The following SGSM2 variants were observed in gnomAD, a reference collection of about 807,000 sequenced individuals.
SGSM2 encodes the protein small G protein signaling modulator 2.
SGSM2 carries 89 observed loss-of-function variants against 126.6 expected under a neutral mutation model. The ratio of observed to expected loss-of-function variants is 0.70; its 90% CI spans 0.59 to 0.84. The LOEUF (loss-of-function observed/expected upper bound fraction) is 0.84, where lower values mean the gene tolerates loss of function less well. Among genes scored for constraint, SGSM2 ranks in the 40% least tolerant of loss-of-function variants. The probability of loss-of-function intolerance (pLI) is 0.00; values close to 1 mark genes in which losing one functional copy is unlikely to be tolerated. For missense variants in SGSM2, 1,404 were observed against 1,416.6 expected, an observed-to-expected ratio of 0.99 and a Z score of 0.14; for synonymous variants, 614 against 574.3, an observed-to-expected ratio of 1.07 and a Z score of -0.99.
chr17:2,339,678 A>G (rs896093860), intron 1 of SGSM2, among the ~76,000 whole-genome samples: 4 of 150,192 alleles, frequency 2.7e-5, no homozygotes, highest in South Asian at 2.1e-4. Context: ...ACTGCACTCC[A>G]GCCTGGGCGA....
At chr17:2,339,783 C>G (rs2064267764) in intron 1 of SGSM2, among the ~76,000 whole-genome samples, 1 of 152,084 alleles carries the variant, frequency 6.6e-6, no homozygotes, top group Non-Finnish European at 1.5e-5. Context: ...CTACTAGGCC[C>G]TAATGTTTGT....
rs369584168 is a variant in SGSM2 at position 2,372,338 on chromosome 17, C to T, written c.1643-5C>T. Reference sequence around the variant, plus strand: ...CCTCCTGCTGCCCACCGCTGCCCACCGCAGGGCTGGCACACTGCCGCCACC... The same window carrying T: ...CCTCCTGCTGCCCACCGCTGCCCACTGCAGGGCTGGCACACTGCCGCCACC... On this transcript the variant is annotated splice_region_variant and splice_polypyrimidine_tract_variant and intron_variant, in intron 14 of 23. Transcript: ENST00000268989. The surrounding 1 kb of genome is among the most constrained non-coding windows in gnomAD (Gnocchi z 6.0). The T allele has an allele frequency of 8.3e-5, 133 of 1,600,032 alleles. 2 individuals are homozygous for T. The Middle Eastern group carries it at 8.6e-4, about 10-fold the overall frequency.
At chr17:2,371,477 C>T (rs1247762140) in intron 13 of SGSM2, 62 bp downstream of exon 13, 1 of 1,522,870 alleles carries the variant, frequency 6.6e-7, no homozygotes, top group East Asian at 2.3e-5. Context: ...GTGTGTCCGT[C>T]TGTCCTTAAA....
chr17:2,373,761 A>G (rs1163729261), intron 17 of SGSM2: 1 of 497,142 alleles, frequency 2.0e-6, no homozygotes, highest in African/African-American at 1.9e-5. Context: ...ATAGGGAAAG[A>G]TGGACTTACT....
At chr17:2,378,781 G>C (rs539996816) in intron 22 of SGSM2, among the ~76,000 whole-genome samples, 1 of 152,198 alleles carries the variant, frequency 6.6e-6, no homozygotes, top group Non-Finnish European at 1.5e-5. Flanking sequence ...CCTTGGTACG[G>C]GGTACAGAAC....
In SGSM2 at chr17:2,362,043, C is replaced by A; in HGVS notation, c.297-66C>A. On this transcript the variant is annotated intron_variant, in intron 3 of 23. Coordinates refer to ENST00000268989, the MANE Select transcript of SGSM2 (RefSeq NM_014853.3). The surrounding 1 kb of genome is among the most constrained non-coding windows in gnomAD (Gnocchi z 4.9). The stretch of plus-strand genomic sequence containing the variant: ...ATCTTGGGGTACCAAGCCCCACTCC[C>A]AATGCCAGCATTCTGGGGTTTACCC... 6.5e-7 allele frequency: 1 copy of A among 1,541,896 alleles called. No individual in the cohort carries two copies. Among genetic ancestry groups the A allele is most frequent in the Middle Eastern group, 1.9e-4 (1 of 5,204 alleles).
In SGSM2 at chr17:2,372,274, G is replaced by A. The variant is rs2065906675; in HGVS notation, c.1642+20G>A. On this transcript the variant is annotated intron_variant, in intron 14 of 23. Coordinates refer to ENST00000268989, the MANE Select transcript of SGSM2 (RefSeq NM_014853.3). This position sits in a 1 kb window ranked among gnomAD's most constrained non-coding sequence, Gnocchi z 6.0. Reference sequence around the variant, plus strand: ...ACGGCTGTGAGTGTGGGGCGCGCCGGGCTGTGGCGGGCTGGGGGCGGGCGG... The same window carrying A: ...ACGGCTGTGAGTGTGGGGCGCGCCGAGCTGTGGCGGGCTGGGGGCGGGCGG... 6.2e-7 allele frequency: 1 copy of A among 1,612,096 alleles called. No individual in the cohort carries two copies. The highest frequency in any genetic ancestry group is 1.1e-5 in the South Asian group (1 of 91,078).
At chr17:2,357,840 C>G (rs1352563497) in intron 2 of SGSM2, among the ~76,000 whole-genome samples, 1 of 152,220 alleles carries the variant, frequency 6.6e-6, no homozygotes, top group East Asian at 1.9e-4. Flanking sequence ...TTCATTTGCC[C>G]AAACCTTTCC....
Position 2,373,526 on chromosome 17 carries a change from G to A in SGSM2, c.2100+13G>A, listed in dbSNP as rs1286410134. On this transcript the variant is annotated intron_variant, in intron 17 of 23. Coordinates refer to ENST00000268989, the MANE Select transcript of SGSM2 (RefSeq NM_014853.3). ...CATCAGCAACGATGTGAGCCAGACG[G>A]GACCTGGAGGGTTGGGGGTCTCGGG... is the stretch of plus-strand genomic sequence containing the variant. 9 of 1,586,312 alleles carry A rather than the reference G, an allele frequency of 5.7e-6. No individual in the cohort carries two copies. The highest frequency in any genetic ancestry group is 7.7e-6 in the Non-Finnish European group (9 of 1,167,950).
intron 2 of SGSM2, among the ~76,000 whole-genome samples, chr17:2,344,163 C>T (rs1463733297): frequency 6.6e-6 from 1 of 152,216 alleles, no homozygotes; most frequent in South Asian, 2.1e-4. Flanking sequence ...GCTAAGGCTT[C>T]CAGCCTCAGA....
At chr17:2,377,574 G>C (rs980523680) in intron 21 of SGSM2, 4 of 273,092 alleles carry the variant, frequency 1.5e-5, no homozygotes, top group South Asian at 6.1e-5. Flanking sequence ...AAGTTCTGGC[G>C]AACAGTAGGG....
chr17:2,375,602 G>A lies in SGSM2; in HGVS notation c.2211G>A (p.Val737=). 1.9e-6 allele frequency: 3 copies of A among 1,613,994 alleles called. No homozygotes were observed. The highest frequency in any genetic ancestry group is 2.5e-6 in the Non-Finnish European group (3 of 1,180,026). ...CCGGGACTCCGGGCACCGCCGTGGT[G>A]GAGCAGCAGCATTCCGTGGAGTTCG... The part of the protein sequence containing the change: ...AGPGTPGTAV[V]EQQHSVEFDS... The change falls in exon 18 of 24, where the codon GTG becomes GTA. Residue 737 remains valine, a synonymous_variant. Coordinates refer to ENST00000268989, the MANE Select transcript of SGSM2 (RefSeq NM_014853.3).
At chr17:2,359,644 G>A (rs62067008) in intron 2 of SGSM2, among the ~76,000 whole-genome samples, 10 of 152,170 alleles carry the variant, frequency 6.6e-5, no homozygotes, top group African/African-American at 1.2e-4. Flanking sequence ...GAGGCTGGCC[G>A]GGAAGGTAGG....
At chr17:2,358,884 T>G (rs145087223) in intron 2 of SGSM2, among the ~76,000 whole-genome samples, 49,840 of 147,396 alleles carry the variant, frequency 0.34, 9,984 homozygotes, top group East Asian at 0.64. Flanking sequence ...TTTTTTTTTT[T>G]TTTTTTTTTT....
At chr17:2,338,789 A>ATATATATATAT (rs1483751869) in intron 1 of SGSM2, among the ~76,000 whole-genome samples, 8 of 148,222 alleles carry the variant, frequency 5.4e-5, no homozygotes, top group East Asian at 2.2e-4. Flanking sequence ...ATATATATAT[A>ATATATATATAT]ACCTCACGCC....
chr17:2,361,836 G>T (rs957686732), intron 3 of SGSM2, 37 bp downstream of exon 3: 1 of 1,556,230 alleles, frequency 6.4e-7, no homozygotes, highest in Non-Finnish European at 8.7e-7. Context: ...CCTCCTTTCA[G>T]CTCTTCCCAC....
Position 2,338,253 on chromosome 17 carries a change from G to T in SGSM2, c.57+508G>T, listed in dbSNP as rs2064176860. 2.0e-5 allele frequency among the ~76,000 whole-genome samples: 3 copies of T among 152,290 alleles called. No individual in the cohort carries two copies. The South Asian group carries it at 6.2e-4, about 32-fold the overall frequency. On this transcript the variant is annotated intron_variant, in intron 1 of 23. Coordinates refer to ENST00000268989, the MANE Select transcript of SGSM2 (RefSeq NM_014853.3). ...GTGATCGCTGCCGGAGGGGTGCGCC[G>T]CACACCTCAGTTTCTCCCTCCACGC... is the stretch of plus-strand genomic sequence containing the variant.
chr17:2,371,749 T>G, intron 13 of SGSM2: 1 of 386,280 alleles, frequency 2.6e-6, no homozygotes. Flanking sequence ...GAGCTCCCCT[T>G]CCCGATGTGC....
At chr17:2,338,304 G>A (rs1288477863) in intron 1 of SGSM2, among the ~76,000 whole-genome samples, 1 of 152,196 alleles carries the variant, frequency 6.6e-6, no homozygotes, top group Non-Finnish European at 1.5e-5. Flanking sequence ...GGGACCAGGG[G>A]CTTGTTTGGA....
Sources: gnomAD v4.1 joint callset for allele counts (sites outside exome capture counted in the v4.1 genomes callset) on GRCh38, gnomAD v4.1.1 for gene constraint, Gnocchi (gnomAD v3.1) non-coding constraint, MANE v1.5 for transcripts, NCBI Gene and HGNC (gene_info 2026-07-23, HGNC 2026-07-21) for gene names.